ANO1: variants seen among roughly 807,000 people sequenced by gnomAD.
The protein encoded by ANO1 is anoctamin 1.
A neutral mutation model predicts 124.0 loss-of-function variants in ANO1; 59 were observed. The observed-to-expected ratio is 0.48, with a 90% CI of 0.39 to 0.59. ANO1 has a LOEUF of 0.59. Among genes scored for constraint, ANO1 ranks in the 20% least tolerant of loss-of-function variants. The probability of loss-of-function intolerance (pLI) is 0.00; values close to 1 mark genes in which losing one functional copy is unlikely to be tolerated. For missense variants in ANO1, 1,059 were observed against 1,328.0 expected (o/e 0.80, Z 3.15); for synonymous variants, 529 against 532.0 (o/e 0.99, Z 0.08).
chr11:70,156,779 G>A (rs1294175937), intron 15 of ANO1, among the ~76,000 whole-genome samples, 168 bp from the exon 16 acceptor site: 3 of 152,184 alleles, frequency 2.0e-5, no homozygotes, highest in Non-Finnish European at 4.4e-5. Context: ...AACCCTATGC[G>A]TTTGCACTGG....
At position 70,005,545 on chromosome 11, in the gene ANO1, T is replaced by A. The variant is rs141594975; in HGVS notation, c.58+19379T>A. Reference sequence around the variant, plus strand: ...CAGCCAAACATGGCCTCATTGTTGATCTTCAGAGGCATATTTTTAGTGTGA... The same window carrying A: ...CAGCCAAACATGGCCTCATTGTTGAACTTCAGAGGCATATTTTTAGTGTGA... On this transcript the variant is annotated intron_variant, in intron 1 of 27. Transcript: ENST00000531349. Among the ~76,000 whole-genome samples, 18 of 152,364 alleles carry A rather than the reference T, an allele frequency of 1.2e-4. No individual in the cohort carries two copies. In the East Asian group the frequency reaches 2.9e-3, roughly 24 times the overall value.
At chr11:70,161,517 T>A (rs1354572201) in intron 17 of ANO1, 105 bp from the exon 18 acceptor site, 2 of 1,413,886 alleles carry the variant, frequency 1.4e-6, no homozygotes, top group South Asian at 1.2e-5. Flanking sequence ...GGTGCGCCTA[T>A]GAGAGCCGAC....
chr11:70,116,584 G>A (rs2045984948), intron 8 of ANO1, 85 bp downstream of exon 8: 2 of 1,410,840 alleles, frequency 1.4e-6, no homozygotes, highest in Middle Eastern at 2.4e-4. Context: ...CTGGACCGAG[G>A]ACTTACCGGC....
At chr11:70,152,001 G>A (rs1251226439) in intron 12 of ANO1, among the ~76,000 whole-genome samples, 3 of 152,186 alleles carry the variant, frequency 2.0e-5, no homozygotes, top group Admixed American at 6.5e-5. Context: ...CACCCATCCC[G>A]GCTCACCTGT....
At chr11:70,099,802 AT>A (rs2045186387) in intron 2 of ANO1, among the ~76,000 whole-genome samples, 1 of 152,172 alleles carries the variant, frequency 6.6e-6, no homozygotes, top group Non-Finnish European at 1.5e-5. Context: ...CGATGAGGAA[AT>A]GTAGGCTCAG....
At chr11:70,006,954 G>C (rs1272349012) in intron 1 of ANO1, among the ~76,000 whole-genome samples, 1 of 152,018 alleles carries the variant, frequency 6.6e-6, no homozygotes, top group Non-Finnish European at 1.5e-5. Context: ...ACGGGGGTGA[G>C]CCATCACACC....
chr11:70,074,125 G>A (rs1375244237), upstream of ANO1, among the ~76,000 whole-genome samples: 8 of 152,106 alleles, frequency 5.3e-5, no homozygotes, highest in Admixed American at 2.6e-4. Flanking sequence ...TCTGTCCTAC[G>A]CGGGTTGCCG....
At chr11:70,000,799 C>G (rs1393434300) in intron 1 of ANO1, among the ~76,000 whole-genome samples, 1 of 152,128 alleles carries the variant, frequency 6.6e-6, no homozygotes, top group Non-Finnish European at 1.5e-5. Flanking sequence ...ATCCCACGCT[C>G]CCTTCCCACC....
chr11:70,158,290 G>A (rs10793018), intron 16 of ANO1, among the ~76,000 whole-genome samples: 115,848 of 152,138 alleles, frequency 0.76, 44,291 homozygotes, highest in East Asian at 0.85. Flanking sequence ...CCAAGTACTC[G>A]GAGCCAGCCG....
chr11:70,024,806 C>G (rs540167751), intron 1 of ANO1, among the ~76,000 whole-genome samples: 1 of 150,402 alleles, frequency 6.6e-6, no homozygotes, highest in South Asian at 2.1e-4. Context: ...CGAGCTGCCT[C>G]CCCTGAAAGG....
chr11:70,011,866 T>C (rs1212232974), intron 1 of ANO1, among the ~76,000 whole-genome samples: 7 of 152,216 alleles, frequency 4.6e-5, no homozygotes, highest in African/African-American at 1.7e-4. Flanking sequence ...AAGATCTATT[T>C]ACTGAGAATT....
At chr11:70,067,262 G>A (rs552358272) in intron 1 of ANO1, among the ~76,000 whole-genome samples, 2 of 151,560 alleles carry the variant, frequency 1.3e-5, no homozygotes, top group African/African-American at 4.8e-5. Flanking sequence ...CTGTTTTGTC[G>A]ATGGTCTGCC....
At chr11:70,139,781 C>G (rs968973249) in intron 11 of ANO1, among the ~76,000 whole-genome samples, 2 of 152,202 alleles carry the variant, frequency 1.3e-5, no homozygotes, top group Non-Finnish European at 2.9e-5. Context: ...AATGGCATTG[C>G]TGAGTTAAAT....
At chr11:70,147,532 C>A (rs1382591268) in intron 11 of ANO1, among the ~76,000 whole-genome samples, 2 of 152,232 alleles carry the variant, frequency 1.3e-5, no homozygotes, top group Non-Finnish European at 2.9e-5. Context: ...CCCTCACCTG[C>A]TCAGCTCTGC....
chr11:70,058,742 G>A (rs1857497858), intron 1 of ANO1, among the ~76,000 whole-genome samples: 1 of 152,232 alleles, frequency 6.6e-6, no homozygotes, highest in Non-Finnish European at 1.5e-5. Context: ...TCCTCTTTAA[G>A]TTGGAGGCTG....
intron 1 of ANO1, among the ~76,000 whole-genome samples, chr11:70,048,396 T>C (rs1007695701): frequency 1.3e-5 from 2 of 152,174 alleles, no homozygotes; most frequent in Non-Finnish European, 2.9e-5. Flanking sequence ...ATTCTTTTTT[T>C]CCCCCAACTT....
chr11:70,023,788 C>A (rs1404280278), intron 1 of ANO1, among the ~76,000 whole-genome samples: 1 of 152,146 alleles, frequency 6.6e-6, no homozygotes, highest in Non-Finnish European at 1.5e-5. Flanking sequence ...TGTCTTTATC[C>A]CAGCCATGTG....
At chr11:70,061,198 C>A (rs1283770414) in intron 1 of ANO1, among the ~76,000 whole-genome samples, 1 of 151,900 alleles carries the variant, frequency 6.6e-6, no homozygotes, top group African/African-American at 2.4e-5. Flanking sequence ...ATACTCGGTA[C>A]CCCTTTGAGT....
chr11:70,114,211 A>T (rs1326424333), intron 7 of ANO1, among the ~76,000 whole-genome samples: 1 of 152,190 alleles, frequency 6.6e-6, no homozygotes, highest in Non-Finnish European at 1.5e-5. Flanking sequence ...AGGAGCTCAG[A>T]CCACTTGCCC....
Sources: allele counts gnomAD v4.1 joint callset (sites outside exome capture counted in the v4.1 genomes callset), GRCh38; gene constraint gnomAD v4.1.1; transcripts MANE v1.5; gene names NCBI Gene and HGNC (gene_info 2026-07-23, HGNC 2026-07-21).